Variants in DST observed in about 807,000 individuals in gnomAD.
DST encodes bullous pemphigoid antigen.
In DST, 253 loss-of-function variants were observed where a neutral mutation model predicts 875.2. The observed-to-expected ratio is 0.29, with a 90% CI of 0.26 to 0.32. The LOEUF is 0.32. Among genes scored for constraint, DST ranks in the 10% least tolerant of loss-of-function variants. The pLI is 1.00. For missense variants in DST, 8,287 were observed against 9,111.6 expected (o/e 0.91, Z 3.68); for synonymous variants, 3,124 against 3,197.1 (o/e 0.98, Z 0.77).
intron 49 of DST, 65 bp downstream of exon 49, chr6:56,592,117 G>T: frequency 7.0e-7 from 1 of 1,428,586 alleles, no homozygotes; most frequent in East Asian, 2.3e-5. Flanking sequence ...TATCACAAAA[G>T]TGTGAGAAAT....
At chr6:56,774,430 T>C (rs189192488) in intron 4 of DST, among the ~76,000 whole-genome samples, 23 of 152,290 alleles carry the variant, frequency 1.5e-4, no homozygotes, top group Non-Finnish European at 2.9e-4. Flanking sequence ...AAGACTTCCC[T>C]GACAGCCCAT....
chr6:56,462,243 T>C (rs1348472563), intron 102 of DST, among the ~76,000 whole-genome samples: 2 of 152,216 alleles, frequency 1.3e-5, no homozygotes, highest in Non-Finnish European at 2.9e-5. Context: ...CTATGTCTGT[T>C]GTTTCACAGT....
chr6:56,463,266 T>C lies in DST; in HGVS notation c.22960-110A>G, dbSNP rs1046394375. On this transcript the variant is annotated intron_variant, in intron 101 of 103. Transcript: ENST00000680361. ...TCACATTTCACAGTAAGAATAATAATTTAAAATAAGTGAAAAGATCCAATG... is the reference window on the plus strand; with the variant it reads ...TCACATTTCACAGTAAGAATAATAACTTAAAATAAGTGAAAAGATCCAATG... 42 of 669,836 alleles carry C rather than the reference T, an allele frequency of 6.3e-5. No homozygotes were observed. The Admixed American group carries it at 7.6e-4, about 12-fold the overall frequency. The allele number at this position is 669,836 out of a possible 1,614,324, so 41.5% of individuals were successfully genotyped here.
At chr6:56,731,924 C>A (rs1589327800) in intron 5 of DST, among the ~76,000 whole-genome samples, 1 of 152,020 alleles carries the variant, frequency 6.6e-6, no homozygotes, top group Non-Finnish European at 1.5e-5. Flanking sequence ...GACATTGTTA[C>A]CCTATCTAGA....
chr6:56,736,673 A>T (rs571586831), intron 4 of DST, among the ~76,000 whole-genome samples: 1 of 152,242 alleles, frequency 6.6e-6, no homozygotes, highest in African/African-American at 2.4e-5. Flanking sequence ...TAATATAACT[A>T]AAGTTTCTTT....
intron 2 of DST, among the ~76,000 whole-genome samples, chr6:56,929,176 A>G (rs921209757): frequency 5.3e-5 from 8 of 152,150 alleles, no homozygotes; most frequent in African/African-American, 1.9e-4. Context: ...TATTTACCAA[A>G]ATCAAAATAT....
At chr6:56,669,833 T>A (rs989384928) in intron 10 of DST, among the ~76,000 whole-genome samples, 4 of 152,260 alleles carry the variant, frequency 2.6e-5, no homozygotes, top group African/African-American at 9.6e-5. Context: ...TTAATATATG[T>A]AAACTGCTTA....
At chr6:56,723,877 C>A (rs981264821) in intron 5 of DST, among the ~76,000 whole-genome samples, 1 of 152,212 alleles carries the variant, frequency 6.6e-6, no homozygotes, top group African/African-American at 2.4e-5. Flanking sequence ...ACTTTCCAAT[C>A]TCTTTGGCAA....
Position 56,627,299 on chromosome 6 carries a change from C to T in DST, c.4639-12G>A, listed in dbSNP as rs1275769848. On this transcript the variant is annotated splice_polypyrimidine_tract_variant and intron_variant, in intron 33 of 103. Transcript: ENST00000680361. The stretch of plus-strand genomic sequence containing the variant: ...TCGGACACCAGCATCTATAAATATA[C>T]ACAGTTTAGAACAAAAATGACAAGG... 13 of 1,593,100 alleles carry T rather than the reference C, an allele frequency of 8.2e-6. No individual in the cohort carries two copies. Among genetic ancestry groups the T allele is most frequent in the Non-Finnish European group, 1.0e-5 (12 of 1,162,068 alleles).
chr6:56,624,792 AT>A (rs760537512), intron 35 of DST, among the ~76,000 whole-genome samples, 164 bp from the exon 36 acceptor site: 5 of 152,152 alleles, frequency 3.3e-5, no homozygotes, highest in Non-Finnish European at 7.4e-5. Context: ...TATTATGCAA[AT>A]CATGGCAAAT....
At position 56,642,403 on chromosome 6, in the gene DST, A is replaced by C; in HGVS notation, c.1872+7T>G. 1 of 1,602,874 alleles carries C rather than the reference A, an allele frequency of 6.2e-7. No individual in the cohort carries two copies. The highest frequency in any genetic ancestry group is 8.5e-7 in the Non-Finnish European group (1 of 1,169,746). ...CACAACCCCAATGGCTCCTAAAATT[A>C]ACTTACAGACTGAAGAGCATTTCCA... On this transcript the variant is annotated splice_region_variant and intron_variant, in intron 16 of 103. Transcript: ENST00000680361.
chr6:56,511,430 C>G (rs1246855402), intron 72 of DST, 30 bp from the exon 73 acceptor site: 1 of 1,555,350 alleles, frequency 6.4e-7, no homozygotes, highest in Non-Finnish European at 8.7e-7. Context: ...TTTTCAGTAT[C>G]TCAGGGTCAC....
At chr6:56,602,791 G>T in intron 43 of DST, 91 bp downstream of exon 43, 2 of 973,670 alleles carry the variant, frequency 2.1e-6, no homozygotes, top group Non-Finnish European at 2.8e-6. Context: ...ATCCTTTGTA[G>T]CCTTAGCAAA....
chr6:56,712,100 A>AAAAAAAAAAAAAAAAAC (rs1563813807), intron 5 of DST, among the ~76,000 whole-genome samples: 6 of 148,274 alleles, frequency 4.0e-5, no homozygotes, highest in African/African-American at 1.5e-4. Context: ...CAAAAAAAAA[A>AAAAAAAAAAAAAAAAAC]AAAAAATAGG....
In DST at chr6:56,642,478, T is replaced by C; in HGVS notation, c.1804A>G (p.Asn602Asp). 1 of 1,613,796 alleles carries C rather than the reference T, an allele frequency of 6.2e-7. No individual in the cohort carries two copies. The highest frequency in any genetic ancestry group is 8.5e-7 in the Non-Finnish European group (1 of 1,179,668). The change falls in exon 16 of 104, where the codon AAC becomes GAC. Residue 602 changes from asparagine (N) to aspartate (D), a missense_variant. Asn to Asp is a conservative substitution (Grantham distance 23, BLOSUM62 1). Coordinates refer to ENST00000680361, the MANE Select transcript of DST (RefSeq NM_001374736.1). The part of the protein sequence containing the change: ...ERLEMLQQIA[N>D]RVQRDSVICE... ...ATGACACTGTCCCTCTGAACTCTGT[T>C]GGCAATCTGTTGCAACATTTCTAAC... is the stretch of plus-strand genomic sequence containing the variant.
Position 56,494,177 on chromosome 6 carries a change from C to A in DST, c.20227G>T (p.Val6743Phe). ...TCTTTAGCTTCAAAGGCAGCACAGA[C>A]TTCCTAAATTGAGATACCCTCAAGT... ...AKEQLNVHMEVCAAFEAKEET... is the reference protein window; with the variant it reads ...AKEQLNVHMEFCAAFEAKEET... The change falls in exon 83 of 104, where the codon GTC (valine) becomes TTC (phenylalanine). Residue 6743 changes from valine (V) to phenylalanine (F), a missense_variant. Around this residue, in one of 10 missense-constraint regions of DST, gnomAD observed 1,292 missense variants for 1,552.7 expected, o/e 0.83. Transcript: ENST00000680361. 6.3e-7 allele frequency: 1 copy of A among 1,597,372 alleles called. No individual in the cohort carries two copies. Among genetic ancestry groups the A allele is most frequent in the Non-Finnish European group, 8.5e-7 (1 of 1,170,742 alleles).
intron 3 of DST, among the ~76,000 whole-genome samples, chr6:56,884,521 G>T (rs1783718697): frequency 6.6e-6 from 1 of 152,126 alleles, no homozygotes; most frequent in East Asian, 1.9e-4. Flanking sequence ...CATATGTGTG[G>T]TTGTCTCTCA....
intron 5 of DST, among the ~76,000 whole-genome samples, chr6:56,710,873 C>T (rs17684571): frequency 0.15 from 22,366 of 152,008 alleles, 2,131 homozygotes; most frequent in Non-Finnish European, 0.22. Context: ...GATAAAAAGG[C>T]GGTTATGGTT....
chr6:56,589,131 T>C (rs1269341430), intron 49 of DST, among the ~76,000 whole-genome samples: 1 of 152,224 alleles, frequency 6.6e-6, no homozygotes, highest in Non-Finnish European at 1.5e-5. Flanking sequence ...AAACTCAGCA[T>C]ACAAACATTT....
Sources: allele counts gnomAD v4.1 joint callset (sites outside exome capture counted in the v4.1 genomes callset), GRCh38; gene constraint gnomAD v4.1.1; regional missense constraint gnomAD v4.1.1; transcripts MANE v1.5; gene names NCBI Gene and HGNC (gene_info 2026-07-23, HGNC 2026-07-21).